Variants in ZFHX3 observed in about 807,000 individuals in gnomAD.
ZFHX3 encodes the protein zinc finger homeobox 3.
A neutral mutation model predicts 279.1 loss-of-function variants in ZFHX3; 42 were observed. The ratio of observed to expected loss-of-function variants is 0.15; its 90% CI spans 0.12 to 0.19. ZFHX3 has a LOEUF of 0.19. Among genes scored for constraint, ZFHX3 ranks in the 10% least tolerant of loss-of-function variants. The pLI is 1.00. For missense variants in ZFHX3, 4,981 were observed against 4,754.0 expected, an observed-to-expected ratio of 1.05 and a Z score of -1.40; for synonymous variants, 2,293 against 1,957.8, an observed-to-expected ratio of 1.17 and a Z score of -4.52.
chr16:72,931,168 G>A (rs1278407288), intron 3 of ZFHX3, among the ~76,000 whole-genome samples: 1 of 152,082 alleles, frequency 6.6e-6, no homozygotes, highest in Non-Finnish European at 1.5e-5. Context: ...ACATTACAAA[G>A]AGCTGCTCTG....
chr16:73,128,466 C>T (rs1246714071), intron 7 of ZFHX3, among the ~76,000 whole-genome samples: 1 of 152,148 alleles, frequency 6.6e-6, no homozygotes, highest in Non-Finnish European at 1.5e-5. Flanking sequence ...CCCATGGTCA[C>T]ACAGCTTATA....
chr16:73,288,932 G>T (rs1010170684), intron 4 of ZFHX3, among the ~76,000 whole-genome samples: 2 of 149,164 alleles, frequency 1.3e-5, no homozygotes, highest in African/African-American at 5.0e-5. Flanking sequence ...TATCTTCAAG[G>T]GGAAAAAAAA....
chr16:73,179,953 G>A (rs901029241), intron 5 of ZFHX3, among the ~76,000 whole-genome samples: 1 of 152,276 alleles, frequency 6.6e-6, no homozygotes, highest in African/African-American at 2.4e-5. Flanking sequence ...AACAGAGCTC[G>A]GGCACAATGA....
At chr16:73,081,498 A>T (rs1011209474) in intron 8 of ZFHX3, 2 of 152,134 alleles carry the variant, frequency 1.3e-5, no homozygotes, top group Non-Finnish European at 2.9e-5. Flanking sequence ...AACTCAGGTG[A>T]TCTGCCCATC....
At chr16:72,998,896 G>C (rs1010622978) in intron 1 of ZFHX3, among the ~76,000 whole-genome samples, 5 of 152,176 alleles carry the variant, frequency 3.3e-5, no homozygotes, top group African/African-American at 1.2e-4. Flanking sequence ...TCTGGGGCTT[G>C]TCCACCATTA....
At position 72,798,128 on chromosome 16, in the gene ZFHX3, G is replaced by A; in HGVS notation, c.4554C>T (p.Gly1518=). ...AAGGCAGAGCTCTCTTTGGCTCTGA[G>A]CCCGAGTCTTCTTGTACTGACCCAG... The part of the protein sequence containing the change: ...SDSGSVQEDS[G]SEPKRALPFR... The change falls in exon 9 of 10, where the codon GGC becomes GGT. Residue 1518 remains glycine (G), a synonymous_variant. Transcript: ENST00000268489. 6.2e-7 allele frequency: 1 copy of A among 1,614,200 alleles called. No individual in the cohort carries two copies. Among genetic ancestry groups the A allele is most frequent in the Non-Finnish European group, 8.5e-7 (1 of 1,180,042 alleles).
intron 5 of ZFHX3, among the ~76,000 whole-genome samples, chr16:73,248,541 ATGTG>A (rs1210217684): frequency 6.7e-6 from 1 of 150,258 alleles, no homozygotes; most frequent in East Asian, 2.0e-4. Flanking sequence ...CTGTGTGTAC[ATGTG>A]TGTGTGTACT....
intron 4 of ZFHX3, among the ~76,000 whole-genome samples, chr16:73,285,488 A>G (rs1403324110): frequency 1.3e-5 from 2 of 152,362 alleles, no homozygotes; most frequent in East Asian, 3.9e-4. Context: ...TTAACACACC[A>G]TGACAGCATG....
chr16:73,475,689 G>C (rs924825118), intron 2 of ZFHX3, among the ~76,000 whole-genome samples: 5 of 151,950 alleles, frequency 3.3e-5, no homozygotes, highest in African/African-American at 1.2e-4. Context: ...ATTTCTAATT[G>C]AGAAAATACT....
chr16:73,033,383 T>C (rs1017022969), intron 1 of ZFHX3, among the ~76,000 whole-genome samples: 2 of 152,076 alleles, frequency 1.3e-5, no homozygotes, highest in Non-Finnish European at 2.9e-5. Flanking sequence ...AAGAACTGCG[T>C]CTTAGCTGAG....
intron 2 of ZFHX3, among the ~76,000 whole-genome samples, chr16:73,506,589 C>G (rs1343133938): frequency 6.6e-6 from 1 of 152,130 alleles, no homozygotes; most frequent in Non-Finnish European, 1.5e-5. Context: ...GCTCTGACAC[C>G]CCCTGGCCAA....
intron 4 of ZFHX3, among the ~76,000 whole-genome samples, chr16:72,865,591 G>C (rs1326065184): frequency 6.6e-6 from 1 of 152,224 alleles, no homozygotes; most frequent in Non-Finnish European, 1.5e-5. Flanking sequence ...TATAGGGACA[G>C]GTATAGGCAA....
chr16:73,641,696 A>C lies in ZFHX3; in HGVS notation c.-1547+38484T>G, dbSNP rs543638595. Among the ~76,000 whole-genome samples the C allele has an allele frequency of 1.3e-4, 20 of 152,272 alleles. No individual in the cohort carries two copies. In the South Asian group the frequency reaches 3.1e-3, roughly 24 times the overall value. On this transcript the variant is annotated intron_variant, in intron 2 of 17. Transcript: ENST00000641206. ...ACAATAAGTAAAAGCAGCATTATTTAGAAATACATAAATAGCAGAAGACAT... is the reference window on the plus strand; with the variant it reads ...ACAATAAGTAAAAGCAGCATTATTTCGAAATACATAAATAGCAGAAGACAT...
intron 1 of ZFHX3, among the ~76,000 whole-genome samples, chr16:73,017,746 T>G (rs1292319678): frequency 2.0e-5 from 3 of 152,026 alleles, no homozygotes; most frequent in Non-Finnish European, 2.9e-5. Flanking sequence ...AATATCCAAG[T>G]GGCCCCAGTG....
At chr16:73,077,800 C>G (rs905869976) in intron 8 of ZFHX3, among the ~76,000 whole-genome samples, 3 of 151,410 alleles carry the variant, frequency 2.0e-5, no homozygotes, top group Admixed American at 6.6e-5. Context: ...CACGTCAAAG[C>G]CATTATTTTT....
chr16:73,172,797 G>A (rs909788716), intron 5 of ZFHX3, among the ~76,000 whole-genome samples: 2 of 152,250 alleles, frequency 1.3e-5, no homozygotes, highest in Non-Finnish European at 2.9e-5. Context: ...CATATGCTAG[G>A]AGCAAGGTTA....
At chr16:73,463,825 A>G (rs1010861102) in intron 2 of ZFHX3, among the ~76,000 whole-genome samples, 3 of 152,204 alleles carry the variant, frequency 2.0e-5, no homozygotes, top group African/African-American at 7.2e-5. Flanking sequence ...CAGCAAGAGC[A>G]AGGGCAGCAG....
intron 4 of ZFHX3, among the ~76,000 whole-genome samples, chr16:72,845,756 G>A (rs951256174): frequency 2.6e-5 from 4 of 151,894 alleles, no homozygotes; most frequent in East Asian, 3.9e-4. Context: ...CCAATACCAC[G>A]CGCCTGGAAA....
At chr16:72,942,135 T>C (rs940754918) in intron 3 of ZFHX3, among the ~76,000 whole-genome samples, 1 of 152,228 alleles carries the variant, frequency 6.6e-6, no homozygotes, top group South Asian at 2.1e-4. Context: ...GAAACACCTG[T>C]TGGGACTAGA....
Sources: allele counts gnomAD v4.1 joint callset (sites outside exome capture counted in the v4.1 genomes callset), GRCh38; gene constraint gnomAD v4.1.1; transcripts MANE v1.5; gene names NCBI Gene and HGNC (gene_info 2026-07-23, HGNC 2026-07-21).